WIPF3: variants seen among roughly 807,000 people sequenced by gnomAD.
The protein encoded by WIPF3 is WAS/WASL-interacting protein family member 3.
WIPF3 carries 33 observed loss-of-function variants against 38.9 expected under a neutral mutation model. The ratio of observed to expected loss-of-function variants is 0.85; its 90% confidence interval spans 0.64 to 1.14. The LOEUF (loss-of-function observed/expected upper bound fraction) is 1.14, where lower values mean the gene tolerates loss of function less well. Ranked by LOEUF, WIPF3 falls within the 50% of genes most tolerant of loss-of-function variation. The probability of loss-of-function intolerance (pLI) is 0.00; values close to 1 mark genes in which losing one functional copy is unlikely to be tolerated. For missense variants in WIPF3, 711 were observed against 652.5 expected, an observed-to-expected ratio of 1.09 and a Z score of -0.98; for synonymous variants, 324 against 269.3, an observed-to-expected ratio of 1.20 and a Z score of -1.99.
At position 29,889,367 on chromosome 7, in the gene WIPF3, T is replaced by C; in HGVS notation, c.1311T>C (p.Tyr437=). 11 of 1,613,968 alleles carry C rather than the reference T, an allele frequency of 6.8e-6. No individual in the cohort carries two copies. Among genetic ancestry groups the C allele is most frequent in the Non-Finnish European group, 9.3e-6 (11 of 1,179,884 alleles). ...AAGACTTTCCCCCTCCGGATGAATA[T>C]AAACCATGCCAGAAGATTTACCCCA... ...SVEDFPPPDE[Y]KPCQKIYPSK... Residue 437 remains tyrosine, a synonymous_variant, in exon 7 of 9, where the codon TAT becomes TAC. Coordinates refer to ENST00000242140, the MANE Select transcript of WIPF3 (RefSeq NM_001080529.3).
chr7:29,840,000 T>C (rs1360341604), intron 2 of WIPF3, among the ~76,000 whole-genome samples: 10 of 152,254 alleles, frequency 6.6e-5, no homozygotes, highest in Non-Finnish European at 1.2e-4. Flanking sequence ...TTTTGTTATA[T>C]AAGTATATAC....
chr7:29,873,216 G>A (rs189788426), intron 2 of WIPF3, among the ~76,000 whole-genome samples: 2 of 152,314 alleles, frequency 1.3e-5, no homozygotes, highest in East Asian at 1.9e-4. Context: ...GGGCTAGTGA[G>A]GGATGGGGTT....
At chr7:29,912,536 GT>G (rs1786523630) in intron 8 of WIPF3, 1 of 212,624 alleles carries the variant, frequency 4.7e-6, no homozygotes, top group Admixed American at 4.1e-5. Flanking sequence ...TGATCCTCTT[GT>G]AGTTCATGAG....
At chr7:29,890,271 G>A (rs1168268744) in intron 7 of WIPF3, among the ~76,000 whole-genome samples, 1 of 151,620 alleles carries the variant, frequency 6.6e-6, no homozygotes, top group Non-Finnish European at 1.5e-5. Flanking sequence ...AGGATTGCTT[G>A]AGCCCAGGAG....
At chr7:29,848,329 G>A (rs573060821) in intron 2 of WIPF3, among the ~76,000 whole-genome samples, 11 of 152,290 alleles carry the variant, frequency 7.2e-5, no homozygotes, top group Middle Eastern at 3.4e-3. Context: ...CTAAGCTGCC[G>A]TTGGTTCGTC....
At chr7:29,888,503 G>GTGCA (rs1364764956) in intron 6 of WIPF3, among the ~76,000 whole-genome samples, 30 of 88,670 alleles carry the variant, frequency 3.4e-4, no homozygotes, top group African/African-American at 1.1e-3. Context: ...GCGTGTGCGT[G>GTGCA]TGTGTGCGTG....
chr7:29,864,982 G>A (rs533415332), intron 2 of WIPF3, among the ~76,000 whole-genome samples: 1 of 152,252 alleles, frequency 6.6e-6, no homozygotes, highest in South Asian at 2.1e-4. Context: ...AATTATTAGG[G>A]GGAACTGATA....
At chr7:29,821,284 T>A (rs1009377139) in intron 1 of WIPF3, among the ~76,000 whole-genome samples, 1 of 152,176 alleles carries the variant, frequency 6.6e-6, no homozygotes, top group Non-Finnish European at 1.5e-5. Flanking sequence ...TTTTATTTTA[T>A]TTATTAATAA....
chr7:29,889,464 C>A, intron 7 of WIPF3, 57 bp downstream of exon 7: 1 of 1,330,338 alleles, frequency 7.5e-7, no homozygotes, highest in Non-Finnish European at 1.1e-6. Context: ...AATTAGGTGC[C>A]CACTGTGCAT....
At chr7:29,827,985 G>C (rs919061952) in intron 1 of WIPF3, among the ~76,000 whole-genome samples, 2 of 152,110 alleles carry the variant, frequency 1.3e-5, no homozygotes, top group African/African-American at 2.4e-5. Context: ...TTTTTGTAGA[G>C]ATGGGATTTT....
chr7:29,836,908 T>C (rs934192950), intron 2 of WIPF3, among the ~76,000 whole-genome samples: 1 of 152,126 alleles, frequency 6.6e-6, no homozygotes, highest in African/African-American at 2.4e-5. Context: ...GGAGAATTAC[T>C]TGAACCCAGG....
At chr7:29,905,695 T>C (rs576524857) in intron 8 of WIPF3, 3 of 152,260 alleles carry the variant, frequency 2.0e-5, no homozygotes, top group African/African-American at 7.2e-5. Flanking sequence ...CTGCTTCTGA[T>C]CACAGAGGTA....
intron 4 of WIPF3, among the ~76,000 whole-genome samples, chr7:29,883,394 A>G (rs1785763364): frequency 6.6e-6 from 1 of 152,354 alleles, no homozygotes; most frequent in Middle Eastern, 3.4e-3. Flanking sequence ...ATTTCACAAA[A>G]TGCTGGGAGT....
chr7:29,910,479 A>C (rs1764864091), intron 8 of WIPF3, among the ~76,000 whole-genome samples: 1 of 152,196 alleles, frequency 6.6e-6, no homozygotes, highest in South Asian at 2.1e-4. Context: ...AAAACCGTAG[A>C]CCAATATCCC....
intron 2 of WIPF3, among the ~76,000 whole-genome samples, chr7:29,846,597 AG>A (rs1367544484): frequency 4.7e-5 from 7 of 150,368 alleles, no homozygotes; most frequent in Non-Finnish European, 1.1e-4. Flanking sequence ...GCTACTCGGG[AG>A]GCTGAGGCAG....
chr7:29,872,798 CA>C (rs61693654), intron 2 of WIPF3, among the ~76,000 whole-genome samples: 2,102 of 30,804 alleles, frequency 0.068, 7 homozygotes, highest in South Asian at 0.11. Context: ...GACTCCATCT[CA>C]AAAAAAAAAA....
At chr7:29,806,847 A>G (rs552921740) in intron 1 of WIPF3, among the ~76,000 whole-genome samples, 169 bp downstream of exon 1, 414 of 151,024 alleles carry the variant, frequency 2.7e-3, no homozygotes, top group African/African-American at 9.7e-3. Flanking sequence ...CCCCGGGCCC[A>G]GGAGGTTGTC....
chr7:29,901,966 C>T (rs1786290867), intron 7 of WIPF3, among the ~76,000 whole-genome samples: 1 of 151,942 alleles, frequency 6.6e-6, no homozygotes. Flanking sequence ...AGACATTTGG[C>T]AATGTCTGGA....
intron 2 of WIPF3, among the ~76,000 whole-genome samples, chr7:29,851,256 G>A (rs373108919): frequency 2.6e-5 from 4 of 152,146 alleles, no homozygotes; most frequent in African/African-American, 9.7e-5. Context: ...CTTTCCCCAG[G>A]GCTCTGCAGA....
Sources: gnomAD v4.1 joint callset for allele counts (sites outside exome capture counted in the v4.1 genomes callset) on GRCh38, gnomAD v4.1.1 for gene constraint, MANE v1.5 for transcripts, NCBI Gene and HGNC (gene_info 2026-07-23, HGNC 2026-07-21) for gene names.